The following CSMD1 variants were observed in gnomAD, a reference collection of about 807,000 sequenced individuals.
CSMD1 encodes the protein CUB and sushi domain-containing protein 1.
A neutral mutation model predicts 417.5 loss-of-function variants in CSMD1; 213 were observed. The observed-to-expected ratio is 0.51, with a 90% CI of 0.46 to 0.57. CSMD1 has a LOEUF of 0.57. Among genes scored for constraint, CSMD1 ranks in the 20% least tolerant of loss-of-function variants. CSMD1 has a pLI of 0.00. For missense variants in CSMD1, 6,923 were observed against 4,529.7 expected, an observed-to-expected ratio of 1.53 and a Z score of -15.17; for synonymous variants, 2,862 against 1,736.8, an observed-to-expected ratio of 1.65 and a Z score of -16.11.
At chr8:4,364,551 G>A (rs1225371789) in intron 3 of CSMD1, among the ~76,000 whole-genome samples, 1 of 17,174 alleles carries the variant, frequency 5.8e-5, no homozygotes, top group Admixed American at 5.5e-4. Flanking sequence ...ATGGCCGGGC[G>A]CGGTGGCTCA....
intron 8 of CSMD1, 121 bp from the exon 9 acceptor site, chr8:3,586,381 T>G (rs545109224): frequency 1.1e-6 from 1 of 913,668 alleles, no homozygotes; most frequent in Admixed American, 3.0e-5. Context: ...GCCTAAGACA[T>G]TAAGCAACTC....
intron 5 of CSMD1, among the ~76,000 whole-genome samples, chr8:3,865,294 C>T (rs1395645620): frequency 1.3e-5 from 2 of 152,194 alleles, no homozygotes; most frequent in African/African-American, 4.8e-5. Context: ...GAGAGCGGTA[C>T]TTCAATGTGA....
intron 50 of CSMD1, among the ~76,000 whole-genome samples, chr8:3,052,202 G>T (rs1299330869): frequency 3.3e-5 from 5 of 152,188 alleles, no homozygotes; most frequent in African/African-American, 1.2e-4. Flanking sequence ...GCACAGAATA[G>T]GATGTGATGT....
At chr8:3,055,464 A>T (rs1812152647) in intron 49 of CSMD1, among the ~76,000 whole-genome samples, 1 of 152,242 alleles carries the variant, frequency 6.6e-6, no homozygotes, top group African/African-American at 2.4e-5. Context: ...GACACAGCAT[A>T]ATCCTTATGG....
chr8:3,024,172 T>C (rs919328551), intron 51 of CSMD1, among the ~76,000 whole-genome samples: 1 of 152,020 alleles, frequency 6.6e-6, no homozygotes, highest in African/African-American at 2.4e-5. Flanking sequence ...GTAGGAAACA[T>C]GAGAGATAAA....
intron 1 of CSMD1, among the ~76,000 whole-genome samples, chr8:4,835,097 G>C (rs753769804): frequency 4.0e-5 from 6 of 149,194 alleles, no homozygotes; most frequent in Admixed American, 6.7e-5. Flanking sequence ...ATAGATATTA[G>C]AAACCTGGGA....
In CSMD1 at chr8:3,186,598, C is replaced by T. The variant is rs144950825; in HGVS notation, c.5620+1271G>A. 2.7e-3 allele frequency among the ~76,000 whole-genome samples: 416 copies of T among 152,188 alleles called. 2 individuals are homozygous for T. The highest frequency in any genetic ancestry group is 9.0e-3 in the African/African-American group (374 of 41,528). On this transcript the variant is annotated intron_variant, in intron 36 of 69. Coordinates refer to ENST00000635120, the MANE Select transcript of CSMD1 (RefSeq NM_033225.6). The stretch of plus-strand genomic sequence containing the variant: ...TATCAGACACTGTGAATGGCCTGTG[C>T]GCTATCTATTTTCTTTATGTTTTTT...
intron 10 of CSMD1, among the ~76,000 whole-genome samples, chr8:3,508,295 C>A (rs77716819): frequency 1.3e-5 from 2 of 151,254 alleles, no homozygotes; most frequent in Non-Finnish European, 1.5e-5. Context: ...GCGCCCCCTC[C>A]CCCAGGGCAG....
At chr8:3,964,459 CT>C (rs1453407387) in intron 5 of CSMD1, among the ~76,000 whole-genome samples, 2 of 152,148 alleles carry the variant, frequency 1.3e-5, no homozygotes, top group Non-Finnish European at 2.9e-5. Flanking sequence ...GACACAGGTG[CT>C]GGTATGCCTC....
chr8:2,963,520 A>G, intron 59 of CSMD1, 125 bp from the exon 60 acceptor site: 1 of 919,550 alleles, frequency 1.1e-6, no homozygotes. Context: ...TTAAAAAAAA[A>G]TAATAAAAGA....
intron 5 of CSMD1, among the ~76,000 whole-genome samples, chr8:3,782,954 C>G (rs981126031): frequency 4.6e-5 from 7 of 152,096 alleles, no homozygotes; most frequent in Admixed American, 3.3e-4. Context: ...AGCCTCTAAA[C>G]CAAATTGTAG....
At position 4,188,983 on chromosome 8, in the gene CSMD1, G is replaced by A. The variant is rs183641069; in HGVS notation, c.416-156884C>T. Among the ~76,000 whole-genome samples the A allele has an allele frequency of 2.7e-3, 404 of 152,308 alleles. 3 individuals carry two copies. The highest frequency in any genetic ancestry group is 5.1e-3 in the Non-Finnish European group (346 of 68,026). On this transcript the variant is annotated intron_variant, in intron 3 of 69. Coordinates refer to ENST00000635120, the MANE Select transcript of CSMD1 (RefSeq NM_033225.6). ...TGTGTTGAGGGGACCCAGACCTAATGTTGGACTGTGATGTAAACAGAAATA... is the reference window on the plus strand; with the variant it reads ...TGTGTTGAGGGGACCCAGACCTAATATTGGACTGTGATGTAAACAGAAATA...
At chr8:3,843,478 G>A (rs535287912) in intron 5 of CSMD1, among the ~76,000 whole-genome samples, 149 of 152,082 alleles carry the variant, frequency 9.8e-4, no homozygotes, top group Admixed American at 2.4e-3. Context: ...AATTACACTC[G>A]GACTTTGTGT....
intron 3 of CSMD1, among the ~76,000 whole-genome samples, chr8:4,175,430 T>A (rs892772616): frequency 6.6e-6 from 1 of 151,800 alleles, no homozygotes; most frequent in Admixed American, 6.6e-5. Context: ...GGAATATGTT[T>A]AAGTAATTGA....
chr8:4,923,285 A>G (rs994344737), intron 1 of CSMD1, among the ~76,000 whole-genome samples: 2 of 152,192 alleles, frequency 1.3e-5, no homozygotes, highest in Non-Finnish European at 2.9e-5. Context: ...CTCATGCCTC[A>G]TCCTCAAAGG....
intron 2 of CSMD1, among the ~76,000 whole-genome samples, chr8:4,606,897 C>T (rs1800903814): frequency 6.6e-6 from 1 of 152,130 alleles, no homozygotes; most frequent in Non-Finnish European, 1.5e-5. Flanking sequence ...ACTTTCTCCC[C>T]ATTATATCAG....
chr8:4,135,792 A>T (rs570152833), intron 3 of CSMD1, among the ~76,000 whole-genome samples: 2 of 152,188 alleles, frequency 1.3e-5, no homozygotes, highest in Non-Finnish European at 1.5e-5. Flanking sequence ...TAGGAATAAA[A>T]ATCTAGTTAA....
At chr8:3,273,532 G>C (rs1438625187) in intron 26 of CSMD1, among the ~76,000 whole-genome samples, 3 of 152,148 alleles carry the variant, frequency 2.0e-5, no homozygotes, top group Non-Finnish European at 2.9e-5. Flanking sequence ...TGTACCTCTG[G>C]TAGAATTCGG....
intron 2 of CSMD1, among the ~76,000 whole-genome samples, chr8:4,453,357 T>G (rs1799267098): frequency 6.6e-6 from 1 of 152,120 alleles, no homozygotes; most frequent in Non-Finnish European, 1.5e-5. Flanking sequence ...CCCAGTCTGC[T>G]GGGATTGGGG....
Sources: allele counts gnomAD v4.1 joint callset (sites outside exome capture counted in the v4.1 genomes callset), GRCh38; gene constraint gnomAD v4.1.1; transcripts MANE v1.5; gene names NCBI Gene and HGNC (gene_info 2026-07-23, HGNC 2026-07-21).